SPAG16: variants seen among roughly 807,000 people sequenced by gnomAD.
The protein encoded by SPAG16 is sperm-associated antigen 16 protein.
Under a neutral mutation model 80.4 loss-of-function variants are expected in SPAG16, and 86 were observed. That is an observed-to-expected ratio of 1.07 (90% CI 0.90 to 1.28). SPAG16 has a LOEUF of 1.28. Among genes scored for constraint, SPAG16 ranks in the 50% most tolerant of loss-of-function variants. The probability of loss-of-function intolerance (pLI) is 0.00; values close to 1 mark genes in which losing one functional copy is unlikely to be tolerated. For missense variants in SPAG16, 870 were observed against 765.3 expected, an observed-to-expected ratio of 1.14 and a Z score of -1.61; for synonymous variants, 294 against 265.9, an observed-to-expected ratio of 1.11 and a Z score of -1.03.
intron 10 of SPAG16, among the ~76,000 whole-genome samples, chr2:213,612,265 A>AT (rs1274964727): frequency 6.6e-6 from 1 of 152,216 alleles, no homozygotes; most frequent in Non-Finnish European, 1.5e-5. Flanking sequence ...TTCAAATAAC[A>AT]TTCAGAGGGG....
intron 1 of SPAG16, among the ~76,000 whole-genome samples, chr2:213,287,655 T>G (rs114299794): frequency 6.6e-6 from 1 of 152,284 alleles, no homozygotes; most frequent in African/African-American, 2.4e-5. Flanking sequence ...TACTGGCCAA[T>G]GAAAAAGGCT....
chr2:213,785,484 A>T (rs1219477493), intron 10 of SPAG16, among the ~76,000 whole-genome samples: 1 of 152,130 alleles, frequency 6.6e-6, no homozygotes, highest in African/African-American at 2.4e-5. Flanking sequence ...TAGTTTTCTC[A>T]TTATCAGACA....
intron 15 of SPAG16, among the ~76,000 whole-genome samples, chr2:214,225,438 G>A (rs576258692): frequency 6.6e-6 from 1 of 152,158 alleles, no homozygotes; most frequent in African/African-American, 2.4e-5. Context: ...GTGAAAGCAG[G>A]GAAGGCAGGG....
intron 15 of SPAG16, among the ~76,000 whole-genome samples, chr2:214,339,270 G>A (rs1559225209): frequency 6.6e-6 from 1 of 152,104 alleles, no homozygotes; most frequent in Non-Finnish European, 1.5e-5. Context: ...ACAGAAAACT[G>A]AAAAGACAAG....
chr2:213,980,414 CTA>C (rs1216557284), intron 12 of SPAG16, among the ~76,000 whole-genome samples: 1 of 23,502 alleles, frequency 4.3e-5, no homozygotes, highest in African/African-American at 2.8e-4. Flanking sequence ...TATATATATT[CTA>C]TATATATATA....
intron 1 of SPAG16, among the ~76,000 whole-genome samples, chr2:213,293,215 G>C (rs956159733): frequency 6.6e-6 from 1 of 152,142 alleles, no homozygotes; most frequent in Non-Finnish European, 1.5e-5. Context: ...CGCCATGATT[G>C]TAAGTTTCCT....
intron 9 of SPAG16, among the ~76,000 whole-genome samples, chr2:213,445,644 C>T (rs780182675): frequency 1.1e-4 from 16 of 151,882 alleles, no homozygotes; most frequent in South Asian, 4.2e-4. Flanking sequence ...CCAGCCTGGG[C>T]GACAAGAGTG....
chr2:213,507,852 C>T (rs940592362), intron 10 of SPAG16, among the ~76,000 whole-genome samples: 3 of 152,230 alleles, frequency 2.0e-5, no homozygotes, highest in African/African-American at 7.2e-5. Context: ...GCTCTGATCA[C>T]TCTCTATTAT....
At chr2:214,163,412 C>T (rs1230243086) in intron 15 of SPAG16, among the ~76,000 whole-genome samples, 1 of 151,572 alleles carries the variant, frequency 6.6e-6, no homozygotes, top group Non-Finnish European at 1.5e-5. Context: ...TTAATTTACT[C>T]ATAATAGTTG....
At chr2:213,322,976 A>G (rs75284494) in intron 5 of SPAG16, among the ~76,000 whole-genome samples, 8,163 of 152,190 alleles carry the variant, frequency 0.054, 706 homozygotes, top group African/African-American at 0.18. Flanking sequence ...GGCCTTTGCT[A>G]GAAACTTGCT....
intron 9 of SPAG16, among the ~76,000 whole-genome samples, chr2:213,391,205 T>C (rs927885718): frequency 6.6e-6 from 1 of 152,030 alleles, no homozygotes; most frequent in East Asian, 1.9e-4. Flanking sequence ...GAGGTGGAGG[T>C]TGCAGTGAGC....
At chr2:213,323,169 G>A (rs568073288) in intron 5 of SPAG16, among the ~76,000 whole-genome samples, 1 of 152,288 alleles carries the variant, frequency 6.6e-6, no homozygotes, top group East Asian at 1.9e-4. Flanking sequence ...TGTCCGGCGC[G>A]GTGGCTTACG....
intron 10 of SPAG16, among the ~76,000 whole-genome samples, chr2:213,640,768 T>C (rs1290847994): frequency 6.6e-6 from 1 of 152,198 alleles, no homozygotes; most frequent in Non-Finnish European, 1.5e-5. Context: ...TCAGGACTTC[T>C]GGTTAGCAAG....
chr2:213,924,273 A>T (rs1444541724), intron 11 of SPAG16, among the ~76,000 whole-genome samples: 1 of 152,176 alleles, frequency 6.6e-6, no homozygotes, highest in Non-Finnish European at 1.5e-5. Flanking sequence ...TCTCTCCCTC[A>T]GTTTGGAAGC....
intron 10 of SPAG16, among the ~76,000 whole-genome samples, chr2:213,755,953 A>C (rs1403803381): frequency 6.6e-6 from 1 of 152,184 alleles, no homozygotes; most frequent in Non-Finnish European, 1.5e-5. Context: ...TAAATATATC[A>C]ATATCTATAT....
At chr2:213,674,863 A>G (rs1300239453) in intron 10 of SPAG16, among the ~76,000 whole-genome samples, 2 of 149,680 alleles carry the variant, frequency 1.3e-5, no homozygotes, top group Admixed American at 6.6e-5. Context: ...ATGTGTCTTT[A>G]TAGCAGCATG....
chr2:213,996,817 C>T (rs543567178), intron 12 of SPAG16, among the ~76,000 whole-genome samples: 2 of 152,256 alleles, frequency 1.3e-5, no homozygotes, highest in South Asian at 4.1e-4. Flanking sequence ...ATCTGCCCAC[C>T]TCGGCCTCCC....
In SPAG16 at chr2:213,838,291, C is replaced by T. The variant is rs1262987992; in HGVS notation, c.1071-24194C>T. ...GGTTCAAGCGATTCTCCTGCCTCAG[C>T]TTCCCAAGTAGCTGGGATTATAGGC... is the stretch of plus-strand genomic sequence containing the variant. On this transcript the variant is annotated intron_variant, in intron 10 of 15. Transcript: ENST00000331683. Among the ~76,000 whole-genome samples the T allele has an allele frequency of 2.0e-5, 3 of 152,250 alleles. No individual in the cohort carries two copies. The East Asian group carries it at 5.8e-4, about 29-fold the overall frequency.
rs190270734 is a variant in SPAG16, at chr2:213,892,945, C to T, written c.1214+30317C>T. ...GGAGAAAACACATGCATGTAAGTTA[C>T]ATCCAAGCACACATAGGCGAACAAC... is the stretch of plus-strand genomic sequence containing the variant. On this transcript the variant is annotated intron_variant, in intron 11 of 15. Transcript: ENST00000331683. 3.3e-5 allele frequency among the ~76,000 whole-genome samples: 5 copies of T among 152,216 alleles called. No homozygotes were observed. The East Asian group carries it at 5.8e-4, about 18-fold the overall frequency.
Sources: gnomAD v4.1 joint callset for allele counts (sites outside exome capture counted in the v4.1 genomes callset) on GRCh38, gnomAD v4.1.1 for gene constraint, MANE v1.5 for transcripts, NCBI Gene and HGNC (gene_info 2026-07-23, HGNC 2026-07-21) for gene names.